SH2D3C: variants seen among roughly 807,000 people sequenced by gnomAD.
The protein encoded by SH2D3C is SH2 domain containing 3C.
In SH2D3C, 25 loss-of-function variants were observed where a neutral mutation model predicts 75.2. That is an observed-to-expected ratio of 0.33 (90% CI 0.24 to 0.46). The LOEUF is 0.46. Among genes scored for constraint, SH2D3C ranks in the 20% least tolerant of loss-of-function variants. The pLI is 1.00. For synonymous variants in SH2D3C, 450 were observed against 473.7 expected (o/e 0.95, Z 0.65); for missense variants, 933 against 1,165.3 (o/e 0.80, Z 2.90).
rs971515926 is a variant in SH2D3C at position 127,760,987 on chromosome 9, G to A, written c.555+624C>T. On this transcript the variant is annotated intron_variant, in intron 3 of 11. Coordinates refer to ENST00000314830, the MANE Select transcript of SH2D3C (RefSeq NM_170600.3). ...CCTGAGTAGCTGGGATTACAGGCAC[G>A]CACCACCACTTCTGGCTAATTTTTT... is the stretch of plus-strand genomic sequence containing the variant. 1.8e-4 allele frequency among the ~76,000 whole-genome samples: 28 copies of A among 151,950 alleles called. 1 individual carries two copies. Among genetic ancestry groups the A allele is most frequent in the African/African-American group, 6.3e-4 (26 of 41,350 alleles).
Position 127,763,619 on chromosome 9 carries a change from G to A in SH2D3C, c.516-1969C>T, listed in dbSNP as rs530409609. Among the ~76,000 whole-genome samples the A allele has an allele frequency of 3.9e-5, 6 of 152,314 alleles. 1 individual carries two copies. In the South Asian group the frequency reaches 6.2e-4, roughly 16 times the overall value. On this transcript the variant is annotated intron_variant, in intron 2 of 11. Transcript: ENST00000314830. The stretch of plus-strand genomic sequence containing the variant: ...CATTAATTTTGTTAGGCTGGGTCCA[G>A]GTTCTCTGGTTAAGAAAGGCCTCAG...
Position 127,744,971 on chromosome 9 carries a change from T to C in SH2D3C, c.1393A>G (p.Lys465Glu). ...SAPKTHGESD[K>E]GPHTSPSHTL... ...TGGGAGGGGCTGGTGTGGGGGCCCTTGTCTGACTCCCCATGGGTCTTTGGG... is the reference window on the plus strand; with the variant it reads ...TGGGAGGGGCTGGTGTGGGGGCCCTCGTCTGACTCCCCATGGGTCTTTGGG... The change falls in exon 7 of 12, where the codon AAG becomes GAG. Residue 465 changes from lysine to glutamate, a missense_variant. Coordinates refer to ENST00000314830, the MANE Select transcript of SH2D3C (RefSeq NM_170600.3). The C allele has an allele frequency of 6.5e-7, 1 of 1,549,136 alleles. No homozygotes were observed. Among genetic ancestry groups the C allele is most frequent in the Non-Finnish European group, 8.7e-7 (1 of 1,146,946 alleles).
At chr9:127,763,475 T>G (rs1845575991) in intron 2 of SH2D3C, among the ~76,000 whole-genome samples, 1 of 152,156 alleles carries the variant, frequency 6.6e-6, no homozygotes, top group Admixed American at 6.5e-5. Context: ...CCTGGCTACT[T>G]GGGACGCTGA....
At chr9:127,776,748 C>T (rs938914953) in intron 1 of SH2D3C, among the ~76,000 whole-genome samples, 1 of 152,156 alleles carries the variant, frequency 6.6e-6, no homozygotes, top group African/African-American at 2.4e-5. Flanking sequence ...CAGGGTCACA[C>T]AGCAAGGCCA....
At chr9:127,771,964 A>G (rs543872595) in intron 2 of SH2D3C, among the ~76,000 whole-genome samples, 11 of 152,314 alleles carry the variant, frequency 7.2e-5, no homozygotes, top group African/African-American at 2.6e-4. Context: ...GGTAGATGCT[A>G]TTGTTACGTC....
intron 1 of SH2D3C, among the ~76,000 whole-genome samples, chr9:127,776,700 G>A (rs1450933516): frequency 2.0e-5 from 3 of 152,234 alleles, no homozygotes; most frequent in Non-Finnish European, 4.4e-5. Flanking sequence ...AGTTGACAAG[G>A]GAGGAAACTG....
intron 2 of SH2D3C, chr9:127,762,401 G>T: frequency 1.9e-6 from 2 of 1,055,914 alleles, no homozygotes; most frequent in Non-Finnish European, 2.6e-6. Context: ...CCTCCTGGAC[G>T]CCTCCCCTTG....
chr9:127,771,534 G>C, intron 2 of SH2D3C: 1 of 409,046 alleles, frequency 2.4e-6, no homozygotes, highest in Non-Finnish European at 4.1e-6. Context: ...CGCCTCGCCC[G>C]CCCGGCTCCA....
intron 2 of SH2D3C, among the ~76,000 whole-genome samples, chr9:127,768,213 C>T (rs543873199): frequency 4.6e-5 from 7 of 152,280 alleles, no homozygotes; most frequent in African/African-American, 1.7e-4. Flanking sequence ...CAGCAGCTGA[C>T]GTCACCCTGC....
chr9:127,739,673 G>A lies in SH2D3C; in HGVS notation c.2407+9C>T, dbSNP rs529666449. 1.1e-5 allele frequency: 17 copies of A among 1,592,602 alleles called. No individual in the cohort carries two copies. The highest frequency in any genetic ancestry group is 8.4e-5 in the Admixed American group (5 of 59,260). ...CTGCAAGCCCCCCAAGATGCCACCCGCCACTCACCCTGCAGCTTGACTTCA... is the reference window on the plus strand; with the variant it reads ...CTGCAAGCCCCCCAAGATGCCACCCACCACTCACCCTGCAGCTTGACTTCA... On this transcript the variant is annotated intron_variant, in intron 11 of 11. Transcript: ENST00000314830. This position sits in a 1 kb window ranked among gnomAD's most constrained non-coding sequence, Gnocchi z 4.3.
intron 3 of SH2D3C, among the ~76,000 whole-genome samples, chr9:127,760,640 C>T (rs1845504404): frequency 6.6e-6 from 1 of 151,918 alleles, no homozygotes; most frequent in African/African-American, 2.4e-5. Context: ...TGACCCAGGG[C>T]AAGTCACTGC....
At chr9:127,740,138 G>A (rs1844810522) in intron 10 of SH2D3C, 120 bp downstream of exon 10, 1 of 863,444 alleles carries the variant, frequency 1.2e-6, no homozygotes, top group African/African-American at 1.7e-5. Context: ...CAGGAACAGT[G>A]AGCTCAGGGA....
intron 3 of SH2D3C, among the ~76,000 whole-genome samples, chr9:127,753,888 G>A (rs1441415410): frequency 6.6e-6 from 1 of 152,236 alleles, no homozygotes; most frequent in African/African-American, 2.4e-5. Flanking sequence ...CCGCCCCAAG[G>A]CTGCCACTGT....
chr9:127,751,412 C>G lies in SH2D3C; in HGVS notation c.556-112G>C. 9.5e-7 allele frequency: 1 copy of G among 1,051,856 alleles called. No homozygotes were observed. The highest frequency in any genetic ancestry group is 1.4e-6 in the Non-Finnish European group (1 of 699,994). The allele number at this position is 1,051,856 out of a possible 1,614,324, so 65.2% of individuals were successfully genotyped here. On this transcript the variant is annotated intron_variant, in intron 3 of 11. Transcript: ENST00000314830. This position sits in a 1 kb window ranked among gnomAD's most constrained non-coding sequence, Gnocchi z 4.1. ...CTCCTATCCTGGGACTCTGGGAACACTAAGGCACAGGTGCCAGACCCTTTC... is the reference window on the plus strand; with the variant it reads ...CTCCTATCCTGGGACTCTGGGAACAGTAAGGCACAGGTGCCAGACCCTTTC...
rs1298897169 is a variant in SH2D3C, at chr9:127,747,251, C to T, written c.1160G>A (p.Arg387Gln). 4 of 1,613,250 alleles carry T rather than the reference C, an allele frequency of 2.5e-6. No individual in the cohort carries two copies. The highest frequency in any genetic ancestry group is 4.5e-5 in the East Asian group (2 of 44,888). ...CPTSTSLPRP[R>Q]DSIRSCALSM... ...GAGGGCACAGCTGCGGATGGAGTCC[C>T]GAGGGCGGGGCAGCGACGTACTGTG... Residue 387 changes from arginine (R) to glutamine (Q), a missense_variant, in exon 6 of 12, where the codon CGG becomes CAG. Transcript: ENST00000314830.
chr9:127,746,265 C>T (rs1390990663), intron 6 of SH2D3C, among the ~76,000 whole-genome samples: 2 of 152,216 alleles, frequency 1.3e-5, no homozygotes. Context: ...GACAGCAACA[C>T]TTCAATGGAA....
In SH2D3C at chr9:127,738,978, A is replaced by G. The variant is rs1013662255; in HGVS notation, c.2408-57T>C. 2 of 1,435,344 alleles carry G rather than the reference A, an allele frequency of 1.4e-6. No homozygotes were observed. Among genetic ancestry groups the G allele is most frequent in the South Asian group, 1.5e-5 (1 of 68,366 alleles). The allele number at this position is 1,435,344 out of a possible 1,614,324, so 88.9% of individuals were successfully genotyped here. ...GGCTGGGGTTCCTGTCCAGAGCCCT[A>G]GCATTCTTCAGGACCCCCCTGTTAG... On this transcript the variant is annotated intron_variant, in intron 11 of 11. Coordinates refer to ENST00000314830, the MANE Select transcript of SH2D3C (RefSeq NM_170600.3). The surrounding 1 kb of genome is among the most constrained non-coding windows in gnomAD (Gnocchi z 5.0).
At chr9:127,762,659 C>T (rs1845557602) in intron 2 of SH2D3C, among the ~76,000 whole-genome samples, 2 of 152,226 alleles carry the variant, frequency 1.3e-5, no homozygotes, top group Admixed American at 6.5e-5. Context: ...GGGCCACCCT[C>T]GTGTCTCCAG....
At position 127,774,205 on chromosome 9, in the gene SH2D3C, C is replaced by T. The variant is rs55932444; in HGVS notation, c.300G>A (p.Ala100=). Reference sequence around the variant, plus strand: ...CGGGTACCAAGTTGGGCTTGGGACCCGCCTCCTGGGCCTGCCGGGCAGCCT... The same window carrying T: ...CGGGTACCAAGTTGGGCTTGGGACCTGCCTCCTGGGCCTGCCGGGCAGCCT... ...NSQAARQAQE[A]GPKPNLVPGG... is the part of the protein sequence containing the mutation. Residue 100 remains alanine (A), a synonymous_variant, in exon 2 of 12, where the codon GCG becomes GCA. Coordinates refer to ENST00000314830, the MANE Select transcript of SH2D3C (RefSeq NM_170600.3). This position sits in a 1 kb window ranked among gnomAD's most constrained non-coding sequence, Gnocchi z 4.3. The T allele has an allele frequency of 0.029, 47,591 of 1,613,756 alleles. 787 individuals carry two copies. The highest frequency in any genetic ancestry group is 0.067 in the Middle Eastern group (405 of 6,062).
Sources: allele counts gnomAD v4.1 joint callset (sites outside exome capture counted in the v4.1 genomes callset), GRCh38; gene constraint gnomAD v4.1.1; non-coding constraint Gnocchi (gnomAD v3.1); transcripts MANE v1.5; gene names NCBI Gene and HGNC (gene_info 2026-07-23, HGNC 2026-07-21).